SPAG17: variants seen among roughly 807,000 people sequenced by gnomAD.
The protein encoded by SPAG17 is sperm associated antigen 17.
SPAG17 carries 169 observed loss-of-function variants against 273.6 expected under a neutral mutation model. That is an observed-to-expected ratio of 0.62 (90% CI 0.55 to 0.70). The LOEUF (loss-of-function observed/expected upper bound fraction) is 0.70, where lower values mean the gene tolerates loss of function less well. Among genes scored for constraint, SPAG17 ranks in the 30% least tolerant of loss-of-function variants. The pLI, the probability that SPAG17 is intolerant of heterozygous loss-of-function variation, is 0.00. For synonymous variants in SPAG17, 825 were observed against 873.2 expected (o/e 0.94, Z 0.97); for missense variants, 2,557 against 2,627.8 (o/e 0.97, Z 0.59).
In SPAG17 at chr1:118,066,821, A is replaced by C; in HGVS notation, c.2464T>G (p.Phe822Val). Reference protein sequence around the residue: ...HTQDNSLLLVFHNPMNRQRLH... With the variant: ...HTQDNSLLLVVHNPMNRQRLH... Reference sequence around the variant, plus strand: ...CGTTGTCTATTCATTGGATTGTGAAAGACTAAAAGTAAAGAGTTGTCTTGG... The same window carrying C: ...CGTTGTCTATTCATTGGATTGTGAACGACTAAAAGTAAAGAGTTGTCTTGG... Residue 822 changes from phenylalanine to valine, a missense_variant, in exon 18 of 49, where the codon TTT becomes GTT. Coordinates refer to ENST00000336338, the MANE Select transcript of SPAG17 (RefSeq NM_206996.4). 1 of 1,613,964 alleles carries C rather than the reference A, an allele frequency of 6.2e-7. No homozygotes were observed. The highest frequency in any genetic ancestry group is 8.5e-7 in the Non-Finnish European group (1 of 1,179,850).
intron 48 of SPAG17, chr1:117,955,379 A>C: frequency 6.2e-7 from 1 of 1,609,132 alleles, no homozygotes; most frequent in Non-Finnish European, 8.5e-7. Flanking sequence ...CCTTGCGCAC[A>C]ATTTTTGTAA....
At chr1:118,148,748 C>G (rs533043683) in intron 3 of SPAG17, among the ~76,000 whole-genome samples, 2 of 152,290 alleles carry the variant, frequency 1.3e-5, no homozygotes, top group East Asian at 3.9e-4. Context: ...ACACTGTCCA[C>G]ATGTCTCAAA....
chr1:118,077,012 C>G (rs1654156675), intron 15 of SPAG17, among the ~76,000 whole-genome samples: 1 of 152,048 alleles, frequency 6.6e-6, no homozygotes, highest in African/African-American at 2.4e-5. Flanking sequence ...CAAAAATAGT[C>G]TCAGATGGAA....
rs79008957 is a variant in SPAG17, at chr1:118,157,046, A to G, written c.88-5677T>C. Reference sequence around the variant, plus strand: ...AGCCGATTGCTCATGGCTCTTCCCAACTCTCTTCAGTGTGATTGCCTTAAT... The same window carrying G: ...AGCCGATTGCTCATGGCTCTTCCCAGCTCTCTTCAGTGTGATTGCCTTAAT... On this transcript the variant is annotated intron_variant, in intron 1 of 48. Coordinates refer to ENST00000336338, the MANE Select transcript of SPAG17 (RefSeq NM_206996.4). 4.1e-4 allele frequency among the ~76,000 whole-genome samples: 62 copies of G among 152,122 alleles called. 2 individuals carry two copies. The East Asian group carries it at 0.011, about 27-fold the overall frequency.
chr1:117,991,488 TGC>T lies in SPAG17; in HGVS notation c.5400_5401del (p.Gln1801GlyfsTer5), dbSNP rs1657066929. ...TCTGGAATCTTTAACCATCATTTCC[TGC>T]AGCTCATCTTCTTTCTTTAGAATAT... On this transcript the variant is annotated frameshift_variant, in exon 37 of 49. Coordinates refer to ENST00000336338, the MANE Select transcript of SPAG17 (RefSeq NM_206996.4). LOFTEE classifies it high-confidence loss of function. 3.1e-6 allele frequency: 5 copies of T among 1,612,102 alleles called. No homozygotes were observed. The highest frequency in any genetic ancestry group is 1.7e-5 in the Admixed American group (1 of 59,862).
chr1:118,128,809 T>C (rs1476083749), intron 3 of SPAG17, among the ~76,000 whole-genome samples: 2 of 152,342 alleles, frequency 1.3e-5, no homozygotes, highest in East Asian at 3.9e-4. Context: ...CCTTCCTTCA[T>C]AGGAGAATCT....
At chr1:118,027,347 G>T (rs968815607) in intron 26 of SPAG17, among the ~76,000 whole-genome samples, 1 of 152,176 alleles carries the variant, frequency 6.6e-6, no homozygotes, top group African/African-American at 2.4e-5. Context: ...AGGGAGCTGG[G>T]AAGTAAATAA....
In SPAG17 at chr1:117,983,192, A is replaced by G. The variant is rs553959272; in HGVS notation, c.5872+619T>C. ...AATAGAGAGCGAGCTTGTGCAGGGG[A>G]ACTGCCCCTTATAAACCCATCAGAT... On this transcript the variant is annotated intron_variant, in intron 42 of 48. Transcript: ENST00000336338. Among the ~76,000 whole-genome samples, 14 of 152,290 alleles carry G rather than the reference A, an allele frequency of 9.2e-5. No homozygotes were observed. The East Asian group carries it at 2.3e-3, about 25-fold the overall frequency.
At chr1:118,063,872 T>G (rs1284436923) in intron 18 of SPAG17, among the ~76,000 whole-genome samples, 1 of 151,988 alleles carries the variant, frequency 6.6e-6, no homozygotes, top group Non-Finnish European at 1.5e-5. Context: ...CTACAATGAA[T>G]TAAAACGAAT....
At chr1:117,995,206 G>T (rs891074401) in intron 34 of SPAG17, among the ~76,000 whole-genome samples, 1 of 151,954 alleles carries the variant, frequency 6.6e-6, no homozygotes, top group Non-Finnish European at 1.5e-5. Context: ...CTTGGCTCAG[G>T]TGTCTTCAGG....
intron 1 of SPAG17, among the ~76,000 whole-genome samples, chr1:118,160,377 C>T (rs1324609569): frequency 1.3e-5 from 2 of 152,162 alleles, no homozygotes; most frequent in Non-Finnish European, 2.9e-5. Context: ...TTGTAAATGT[C>T]ATTTATACAT....
At chr1:118,184,121 A>G (rs1661069194) in intron 1 of SPAG17, among the ~76,000 whole-genome samples, 1 of 152,122 alleles carries the variant, frequency 6.6e-6, no homozygotes, top group South Asian at 2.1e-4. Flanking sequence ...ACAGGTAAAA[A>G]TTTCTCATGA....
chr1:117,982,124 C>A lies in SPAG17; in HGVS notation c.5873-723G>T, dbSNP rs74573694. Among the ~76,000 whole-genome samples, 1,064 of 152,222 alleles carry A rather than the reference C, an allele frequency of 7.0e-3. 12 individuals are homozygous for A. The highest frequency in any genetic ancestry group is 0.024 in the African/African-American group (1,001 of 41,514). On this transcript the variant is annotated intron_variant, in intron 42 of 48. Coordinates refer to ENST00000336338, the MANE Select transcript of SPAG17 (RefSeq NM_206996.4). Reference sequence around the variant, plus strand: ...TCACATTTATAAGTCATTGTTCCAGCCTTAATCTTTGGTTTACCAACTCTG... The same window carrying A: ...TCACATTTATAAGTCATTGTTCCAGACTTAATCTTTGGTTTACCAACTCTG...
intron 1 of SPAG17, among the ~76,000 whole-genome samples, chr1:118,152,784 A>T (rs780053809): frequency 5.9e-5 from 9 of 152,144 alleles, no homozygotes; most frequent in Middle Eastern, 3.2e-3. Context: ...CTGACTTTTA[A>T]AAGTAGATAT....
chr1:117,992,800 C>T, intron 35 of SPAG17, 152 bp from the exon 36 acceptor site: 1 of 650,570 alleles, frequency 1.5e-6, no homozygotes, highest in Non-Finnish European at 2.5e-6. Flanking sequence ...AAAAGTTCTG[C>T]AAATATAAGG....
chr1:118,027,099 T>C (rs1379491386), intron 26 of SPAG17, among the ~76,000 whole-genome samples: 1 of 152,182 alleles, frequency 6.6e-6, no homozygotes, highest in Non-Finnish European at 1.5e-5. Context: ...AAATATATCC[T>C]TGAATTTGAA....
chr1:118,054,969 T>C (rs1023341272), intron 19 of SPAG17, among the ~76,000 whole-genome samples: 1 of 152,158 alleles, frequency 6.6e-6, no homozygotes, highest in Non-Finnish European at 1.5e-5. Flanking sequence ...ACTTTGGCTA[T>C]AATAAATGAA....
At chr1:118,176,065 T>C (rs920293947) in intron 1 of SPAG17, among the ~76,000 whole-genome samples, 8 of 152,132 alleles carry the variant, frequency 5.3e-5, no homozygotes, top group Admixed American at 1.3e-4. Context: ...AAATAATTTG[T>C]AAGCCTCATG....
intron 13 of SPAG17, among the ~76,000 whole-genome samples, chr1:118,083,350 T>C (rs1351375961): frequency 1.3e-5 from 2 of 151,972 alleles, no homozygotes; most frequent in African/African-American, 4.8e-5. Flanking sequence ...CAGGTGGTTG[T>C]GTGGAAAAAA....
Sources: gnomAD v4.1 joint callset for allele counts (sites outside exome capture counted in the v4.1 genomes callset) on GRCh38, gnomAD v4.1.1 for gene constraint, MANE v1.5 for transcripts, NCBI Gene and HGNC (gene_info 2026-07-23, HGNC 2026-07-21) for gene names.